Variants in OLFM3 observed in about 807,000 individuals in gnomAD.
OLFM3 encodes olfactomedin 3, also known as noelin-3.
A neutral mutation model predicts 48.6 loss-of-function variants in OLFM3; 20 were observed. The observed-to-expected ratio is 0.41, with a 90% CI of 0.29 to 0.60. The LOEUF (loss-of-function observed/expected upper bound fraction) is 0.60, where lower values mean the gene tolerates loss of function less well. Among genes scored for constraint, OLFM3 ranks in the 20% least tolerant of loss-of-function variants. OLFM3 has a pLI of 0.28. For missense variants in OLFM3, 437 were observed against 544.3 expected, an observed-to-expected ratio of 0.80 and a Z score of 1.96; for synonymous variants, 222 against 198.1, an observed-to-expected ratio of 1.12 and a Z score of -1.01.
chr1:101,864,727 G>A (rs938611816), intron 1 of OLFM3, among the ~76,000 whole-genome samples: 7 of 152,152 alleles, frequency 4.6e-5, no homozygotes, highest in Non-Finnish European at 8.8e-5. Flanking sequence ...GGTTGAGGGG[G>A]TTTTGTGAGG....
At chr1:101,824,008 T>G (rs1654728499) in intron 4 of OLFM3, among the ~76,000 whole-genome samples, 1 of 150,120 alleles carries the variant, frequency 6.7e-6, no homozygotes, top group African/African-American at 2.4e-5. Flanking sequence ...AGCATATTTG[T>G]AAAATAGTCT....
At chr1:101,860,398 G>A (rs924859736) in intron 1 of OLFM3, among the ~76,000 whole-genome samples, 2 of 151,990 alleles carry the variant, frequency 1.3e-5, no homozygotes, top group Non-Finnish European at 2.9e-5. Flanking sequence ...ATATATGTGT[G>A]TGTTTATGCA....
intron 1 of OLFM3, among the ~76,000 whole-genome samples, chr1:101,965,580 G>A (rs1162499912): frequency 6.6e-6 from 1 of 152,142 alleles, no homozygotes; most frequent in Non-Finnish European, 1.5e-5. Flanking sequence ...AGAGTTTAGA[G>A]TCACTGGGTA....
At chr1:101,894,692 T>A (rs563422295) in intron 1 of OLFM3, among the ~76,000 whole-genome samples, 8 of 152,142 alleles carry the variant, frequency 5.3e-5, no homozygotes, top group Non-Finnish European at 1.2e-4. Flanking sequence ...TAATTTTTCC[T>A]CTTAAATTTT....
chr1:101,812,856 C>T lies in OLFM3; in HGVS notation c.593-6674G>A, dbSNP rs1654135284. 2.4e-5 allele frequency: 24 copies of T among 990,784 alleles called. No individual in the cohort carries two copies. In the South Asian group the frequency reaches 9.5e-4, roughly 39 times the overall value. 61.4% of individuals were successfully genotyped at this position (990,784 alleles called of 1,614,324 possible). On this transcript the variant is annotated intron_variant, in intron 4 of 5. Transcript: ENST00000370103. ...TTTGTGAGGAAAATTGATTCTTACT[C>T]CAGTCAATCATACCTTAGAAAGCAA...
intron 1 of OLFM3, among the ~76,000 whole-genome samples, chr1:101,901,724 T>C (rs927093026): frequency 3.3e-5 from 5 of 151,978 alleles, no homozygotes; most frequent in African/African-American, 1.2e-4. Flanking sequence ...TAATTGACTA[T>C]GGGGCAATTG....
intron 1 of OLFM3, among the ~76,000 whole-genome samples, chr1:101,950,229 C>T (rs187696787): frequency 3.3e-5 from 5 of 152,018 alleles, no homozygotes; most frequent in Admixed American, 3.3e-4. Context: ...ACATGGTTCA[C>T]CACTAAAACC....
At chr1:101,912,674 C>T (rs573435382) in intron 1 of OLFM3, among the ~76,000 whole-genome samples, 15 of 152,274 alleles carry the variant, frequency 9.9e-5, no homozygotes, top group East Asian at 1.9e-4. Flanking sequence ...TCAAATACGA[C>T]GTCTTCCAAT....
chr1:101,926,228 G>A (rs1434907046), intron 1 of OLFM3, among the ~76,000 whole-genome samples: 1 of 152,250 alleles, frequency 6.6e-6, no homozygotes, highest in Admixed American at 6.5e-5. Flanking sequence ...AAACTATTTT[G>A]TCATATAGCT....
intron 1 of OLFM3, among the ~76,000 whole-genome samples, chr1:101,924,112 C>T (rs987582093): frequency 6.6e-6 from 1 of 152,112 alleles, no homozygotes; most frequent in African/African-American, 2.4e-5. Flanking sequence ...AGTGAAAATG[C>T]TTTCATTGTG....
At chr1:101,897,333 C>G (rs918057318) in intron 1 of OLFM3, among the ~76,000 whole-genome samples, 1 of 152,108 alleles carries the variant, frequency 6.6e-6, no homozygotes, top group African/African-American at 2.4e-5. Flanking sequence ...ACAAAATATT[C>G]TTTCTAAAAC....
chr1:101,865,766 G>A (rs1286846896), intron 1 of OLFM3, among the ~76,000 whole-genome samples: 1 of 152,194 alleles, frequency 6.6e-6, no homozygotes, highest in Non-Finnish European at 1.5e-5. Context: ...CACCGGCTCA[G>A]AGTTGGCAAA....
chr1:101,824,643 AAACAACAACAACAACAACAACAAC>A lies in OLFM3; in HGVS notation c.592+359_592+382del, dbSNP rs149607229. On this transcript the variant is annotated intron_variant, in intron 4 of 5. Coordinates refer to ENST00000370103, the MANE Select transcript of OLFM3 (RefSeq NM_058170.4). ...TAGTCTCCAAATTTCCCCACTAACC[AAACAACAACAACAACAACAACAAC>A]AACAACAACAACAACAAAAAACAGT... Among the ~76,000 whole-genome samples the A allele has an allele frequency of 3.2e-3, 489 of 150,530 alleles. 1 individual carries two copies. Among genetic ancestry groups the A allele is most frequent in the Non-Finnish European group, 6.1e-3 (411 of 67,592 alleles).
intron 1 of OLFM3, among the ~76,000 whole-genome samples, chr1:101,914,801 A>C (rs905971391): frequency 6.6e-6 from 1 of 152,232 alleles, no homozygotes; most frequent in Non-Finnish European, 1.5e-5. Flanking sequence ...AAGGAAAATC[A>C]TTGAAGTTAA....
At chr1:101,828,284 T>C (rs2100906318) in intron 3 of OLFM3, among the ~76,000 whole-genome samples, 1 of 152,266 alleles carries the variant, frequency 6.6e-6, no homozygotes, top group Non-Finnish European at 1.5e-5. Context: ...AAAATGGAAA[T>C]GAAAATAGTG....
At chr1:101,945,690 A>G (rs1445142097) in intron 1 of OLFM3, among the ~76,000 whole-genome samples, 2 of 152,108 alleles carry the variant, frequency 1.3e-5, no homozygotes, top group Admixed American at 6.5e-5. Flanking sequence ...GCTCACGCCT[A>G]TAATCATAGC....
At chr1:101,952,595 G>A (rs115135304) in intron 1 of OLFM3, among the ~76,000 whole-genome samples, 2,284 of 151,988 alleles carry the variant, frequency 0.015, 61 homozygotes, top group African/African-American at 0.053. Flanking sequence ...TTATAAAGGA[G>A]ATATAGAGTT....
chr1:101,877,943 A>G (rs1477086352), intron 1 of OLFM3, among the ~76,000 whole-genome samples: 3 of 151,834 alleles, frequency 2.0e-5, no homozygotes. Context: ...TAATACTTAT[A>G]AAACTGGCTT....
intron 1 of OLFM3, among the ~76,000 whole-genome samples, chr1:101,917,579 A>G (rs574426213): frequency 6.6e-6 from 1 of 152,004 alleles, no homozygotes; most frequent in African/African-American, 2.4e-5. Context: ...ACCACACCCA[A>G]CTAATCTTTA....
Sources: gnomAD v4.1 joint callset for allele counts (sites outside exome capture counted in the v4.1 genomes callset) on GRCh38, gnomAD v4.1.1 for gene constraint, MANE v1.5 for transcripts, NCBI Gene and HGNC (gene_info 2026-07-23, HGNC 2026-07-21) for gene names.